TRIQK: variants seen among roughly 807,000 people sequenced by gnomAD.
TRIQK encodes triple QxxK/R motif-containing protein.
In TRIQK, 10 loss-of-function variants were observed where a neutral mutation model predicts 10.8. The observed-to-expected ratio is 0.92, with a 90% CI of 0.57 to 1.57. The LOEUF (loss-of-function observed/expected upper bound fraction) is 1.57, where lower values mean the gene tolerates loss of function less well. Ranked by LOEUF, TRIQK falls within the 40% of genes most tolerant of loss-of-function variation. The pLI is 0.00. For synonymous variants in TRIQK, 33 were observed against 33.7 expected (o/e 0.98, Z 0.07); for missense variants, 107 against 97.7 (o/e 1.09, Z -0.40).
chr8:93,006,804 A>G (rs10093463), intron 1 of TRIQK, among the ~76,000 whole-genome samples: 21,247 of 152,134 alleles, frequency 0.14, 1,490 homozygotes, highest in East Asian at 0.18. Context: ...GGGCCTCCCT[A>G]CAAGAATCTC....
At chr8:92,973,899 T>A (rs1481438570) in intron 1 of TRIQK, 1 of 152,564 alleles carries the variant, frequency 6.6e-6, no homozygotes, top group Non-Finnish European at 1.5e-5. Context: ...TTGGTATATT[T>A]ACGTTGTGAA....
Position 92,884,873 on chromosome 8 carries a change from A to G in TRIQK, c.*1749T>C, listed in dbSNP as rs1184170392. On this transcript the variant is annotated 3_prime_UTR_variant, in exon 5 of 5. Transcript: ENST00000521988. ...GGGGGGTGGGGAGCAGTATTTCTTG[A>G]CATGTGGCATGTCACTCAGGAAAGT... 1.1e-5 allele frequency: 5 copies of G among 456,076 alleles called. No individual in the cohort carries two copies. The highest frequency in any genetic ancestry group is 2.2e-5 in the Non-Finnish European group (5 of 226,674). 28.3% of individuals were successfully genotyped at this position (456,076 alleles called of 1,614,324 possible). A position where few individuals can be genotyped will look rare whatever the true frequency, so the allele number is the denominator to read the frequency against.
At chr8:92,989,237 G>T (rs1314919490) in intron 1 of TRIQK, among the ~76,000 whole-genome samples, 1 of 152,116 alleles carries the variant, frequency 6.6e-6, no homozygotes, top group Non-Finnish European at 1.5e-5. Flanking sequence ...AACCATAGAA[G>T]AAATTAGGGC....
At chr8:93,003,165 T>G (rs1399488093) in intron 1 of TRIQK, among the ~76,000 whole-genome samples, 1 of 152,092 alleles carries the variant, frequency 6.6e-6, no homozygotes, top group African/African-American at 2.4e-5. Flanking sequence ...CACACTGCTA[T>G]AAAGAACTAC....
chr8:92,977,919 T>C (rs2130741856), intron 1 of TRIQK, among the ~76,000 whole-genome samples: 1 of 152,282 alleles, frequency 6.6e-6, no homozygotes, highest in Non-Finnish European at 1.5e-5. Context: ...GTTATAGCCA[T>C]TGCTCTTGGA....
At position 92,884,964 on chromosome 8, in the gene TRIQK, A is replaced by T. The variant is rs528474383; in HGVS notation, c.*1658T>A. ...CTTGCCACCCACTTGACGAACAGACATACCACATGGCATTAAATGCTGCAA... is the reference window on the plus strand; with the variant it reads ...CTTGCCACCCACTTGACGAACAGACTTACCACATGGCATTAAATGCTGCAA... On this transcript the variant is annotated 3_prime_UTR_variant, in exon 5 of 5. Coordinates refer to ENST00000521988, the MANE Select transcript of TRIQK (RefSeq NM_001171797.2). The T allele has an allele frequency of 2.2e-6, 1 of 456,224 alleles. No individual in the cohort carries two copies. Among genetic ancestry groups the T allele is most frequent in the South Asian group, 1.5e-5 (1 of 64,562 alleles). 28.3% of individuals were successfully genotyped at this position (456,224 alleles called of 1,614,324 possible).
upstream of TRIQK, among the ~76,000 whole-genome samples, chr8:92,969,371 T>C (rs898594581): frequency 6.6e-6 from 1 of 152,158 alleles, no homozygotes; most frequent in Non-Finnish European, 1.5e-5. Flanking sequence ...AATTCCATTG[T>C]AGTTAGAAAA....
At chr8:92,987,620 TAATC>T (rs1347090194) in intron 1 of TRIQK, among the ~76,000 whole-genome samples, 1 of 152,176 alleles carries the variant, frequency 6.6e-6, no homozygotes, top group African/African-American at 2.4e-5. Flanking sequence ...TAGTAAATAA[TAATC>T]AAAATTGTAG....
intron 1 of TRIQK, among the ~76,000 whole-genome samples, chr8:92,956,100 T>C (rs1470059255): frequency 1.3e-5 from 2 of 151,768 alleles, no homozygotes; most frequent in Admixed American, 6.6e-5. Context: ...CAAAAACTTA[T>C]ATACGAATGT....
At chr8:92,990,417 A>G (rs1813084405) in intron 1 of TRIQK, among the ~76,000 whole-genome samples, 1 of 151,844 alleles carries the variant, frequency 6.6e-6, no homozygotes, top group African/African-American at 2.4e-5. Context: ...ACCTGTCTAT[A>G]TTACTGGTTT....
At chr8:92,961,814 C>G (rs1358752487) in intron 1 of TRIQK, among the ~76,000 whole-genome samples, 1 of 152,116 alleles carries the variant, frequency 6.6e-6, no homozygotes, top group East Asian at 1.9e-4. Flanking sequence ...TTTGCAACTA[C>G]GTCACTAAAT....
At chr8:92,895,178 C>T (rs1285564712) in intron 3 of TRIQK, among the ~76,000 whole-genome samples, 5 of 152,218 alleles carry the variant, frequency 3.3e-5, no homozygotes, top group Non-Finnish European at 5.9e-5. Flanking sequence ...TTCTGCCTTC[C>T]ACCATGGGAT....
At chr8:92,961,929 C>T (rs2130713710) in intron 1 of TRIQK, among the ~76,000 whole-genome samples, 1 of 152,286 alleles carries the variant, frequency 6.6e-6, no homozygotes, top group Admixed American at 6.5e-5. Flanking sequence ...ATGGAACTGT[C>T]TTTGCCTTTT....
Position 92,885,367 on chromosome 8 carries a change from C to T in TRIQK, c.*1255G>A, listed in dbSNP as rs1333969787. On this transcript the variant is annotated 3_prime_UTR_variant, in exon 5 of 5. Coordinates refer to ENST00000521988, the MANE Select transcript of TRIQK (RefSeq NM_001171797.2). ...AAACAATCTTAATATTTTATTTATT[C>T]TTCATAAATACAATGTATATAATAT... 2 of 195,650 alleles carry T rather than the reference C, an allele frequency of 1.0e-5. No individual in the cohort carries two copies. The highest frequency in any genetic ancestry group is 4.7e-5 in the African/African-American group (2 of 42,766). The allele number at this position is 195,650 out of a possible 1,614,324, so 12.1% of individuals were successfully genotyped here. A position where few individuals can be genotyped will look rare whatever the true frequency, so the allele number is the denominator to read the frequency against.
chr8:92,925,087 C>A (rs1810377522), intron 2 of TRIQK, among the ~76,000 whole-genome samples: 1 of 152,036 alleles, frequency 6.6e-6, no homozygotes, highest in Non-Finnish European at 1.5e-5. Context: ...AAGTCATGTT[C>A]CAGAAAAGAA....
intron 1 of TRIQK, among the ~76,000 whole-genome samples, chr8:93,012,194 C>T (rs1414427465): frequency 6.6e-6 from 1 of 152,150 alleles, no homozygotes. Flanking sequence ...TCCTGTAAGT[C>T]TTCAGGCAGA....
chr8:92,990,342 T>A (rs1207887266), intron 1 of TRIQK, among the ~76,000 whole-genome samples: 1 of 152,242 alleles, frequency 6.6e-6, no homozygotes, highest in African/African-American at 2.4e-5. Context: ...GCTGTGATGC[T>A]CCTTTTTCAT....
intron 1 of TRIQK, among the ~76,000 whole-genome samples, chr8:92,999,725 C>A (rs77658369): frequency 0.016 from 2,481 of 152,216 alleles, 36 homozygotes; most frequent in South Asian, 0.071. Context: ...TGTTGACCAG[C>A]ATTTTGTTGT....
intron 3 of TRIQK, among the ~76,000 whole-genome samples, chr8:92,897,069 G>A (rs945355279): frequency 3.3e-5 from 5 of 151,986 alleles, no homozygotes; most frequent in Non-Finnish European, 4.4e-5. Context: ...CACCCACCTC[G>A]GCGTCCCAAA....
Sources: allele counts gnomAD v4.1 joint callset (sites outside exome capture counted in the v4.1 genomes callset), GRCh38; gene constraint gnomAD v4.1.1; transcripts MANE v1.5; gene names NCBI Gene and HGNC (gene_info 2026-07-23, HGNC 2026-07-21).